The following MACF1 variants were observed in gnomAD, a reference collection of about 807,000 sequenced individuals.
The protein encoded by MACF1 is microtubule actin crosslinking factor 1.
A neutral mutation model predicts 854.8 loss-of-function variants in MACF1; 193 were observed. The observed-to-expected ratio is 0.23, with a 90% CI of 0.20 to 0.25. The LOEUF is 0.25. Ranked by LOEUF, MACF1 falls within the 10% of genes least tolerant of loss-of-function variation. The pLI is 1.00. For missense variants in MACF1, 7,722 were observed against 8,929.1 expected (o/e 0.86, Z 5.45); for synonymous variants, 3,185 against 3,226.7 (o/e 0.99, Z 0.44).
intron 2 of MACF1, among the ~76,000 whole-genome samples, chr1:39,234,886 G>A (rs1167404755): frequency 2.2e-5 from 3 of 138,734 alleles, no homozygotes; most frequent in African/African-American, 5.2e-5. Flanking sequence ...GGGCAGAGGC[G>A]CTCCCCACAT....
In MACF1 at chr1:39,379,207, G is replaced by T; in HGVS notation, c.13281G>T (p.Leu4427=). ...SVNGYHTCKD[L]TEIQCDMSDV... is the part of the protein sequence containing the mutation. ...TTTCTGTTTCTATGATACTAGATCTGACGGAGATCCAGTGTGACATGTCAG... is the reference window on the plus strand; with the variant it reads ...TTTCTGTTTCTATGATACTAGATCTTACGGAGATCCAGTGTGACATGTCAG... The change falls in exon 54 of 101, where the codon CTG becomes CTT. Residue 4427 remains leucine, a synonymous_variant. Transcript: ENST00000564288. The T allele has an allele frequency of 6.3e-7, 1 of 1,595,712 alleles. No individual in the cohort carries two copies. The highest frequency in any genetic ancestry group is 1.1e-5 in the South Asian group (1 of 88,300).
intron 18 of MACF1, 82 bp from the exon 19 acceptor site, chr1:39,294,964 A>C (rs1645869996): frequency 9.9e-7 from 1 of 1,012,294 alleles, no homozygotes. Flanking sequence ...TTCCTTTAAA[A>C]TAGGGAACAC....
At chr1:39,467,081 T>C (rs1349557831) in intron 95 of MACF1, among the ~76,000 whole-genome samples, 1 of 152,152 alleles carries the variant, frequency 6.6e-6, no homozygotes, top group African/African-American at 2.4e-5. Flanking sequence ...ACTTTGAAAA[T>C]CCTGGCCGGG....
At chr1:39,087,911 T>C (rs1477487628) in intron 2 of MACF1, among the ~76,000 whole-genome samples, 1 of 152,020 alleles carries the variant, frequency 6.6e-6, no homozygotes, top group Non-Finnish European at 1.5e-5. Flanking sequence ...TAGCAGGGAT[T>C]ACAGGCGTGT....
intron 78 of MACF1, among the ~76,000 whole-genome samples, chr1:39,443,155 C>A (rs1238006268): frequency 3.3e-5 from 5 of 152,176 alleles, no homozygotes; most frequent in Admixed American, 6.5e-5. Context: ...ATAACAGATT[C>A]CCTTTTTTTC....
At chr1:39,361,083 A>T (rs1648149355) in intron 48 of MACF1, 82 bp downstream of exon 48, 1 of 1,156,810 alleles carries the variant, frequency 8.6e-7, no homozygotes, top group Non-Finnish European at 1.3e-6. Flanking sequence ...AAGTAACAAG[A>T]GGGAACCTAA....
chr1:39,331,482 C>T lies in MACF1; in HGVS notation c.4894C>T (p.Leu1632Phe). Reference protein sequence around the residue: ...ISRLTESRGPLSVVEAIEKRI... With the variant: ...ISRLTESRGPFSVVEAIEKRI... ...CAGGCTTACTGAGAGCAGAGGCCCT[C>T]TTTCTGTGGTGGAAGCAATTGAAAA... Residue 1632 changes from leucine (L) to phenylalanine (F), a missense_variant, in exon 37 of 101, where the codon CTT (leucine) becomes TTT (phenylalanine). Physicochemically the swap from Leu to Phe is conservative, Grantham distance 22. This residue lies in a region of MACF1 where 1,531 missense variants were observed against 1,601.6 expected (regional missense o/e 0.96). Coordinates refer to ENST00000564288, the MANE Select transcript of MACF1 (RefSeq NM_001394062.1). The T allele has an allele frequency of 6.2e-7, 1 of 1,614,166 alleles. No individual in the cohort carries two copies. Among genetic ancestry groups the T allele is most frequent in the Non-Finnish European group, 8.5e-7 (1 of 1,180,030 alleles).
chr1:39,175,612 T>C (rs1644012189), intron 2 of MACF1, among the ~76,000 whole-genome samples: 1 of 152,198 alleles, frequency 6.6e-6, no homozygotes. Flanking sequence ...GATTGTATTT[T>C]ATCCTTCTTT....
chr1:39,244,962 C>G (rs958485057), intron 2 of MACF1, among the ~76,000 whole-genome samples: 1 of 152,156 alleles, frequency 6.6e-6, no homozygotes, highest in East Asian at 1.9e-4. Flanking sequence ...ATCTGCCCAC[C>G]TCGACCTCCC....
In MACF1 at chr1:39,388,329, C is replaced by T. The variant is rs759143516; in HGVS notation, c.15487C>T (p.Arg5163Trp). ...DSLQSQIEDV[R>W]LFLNKIHVLK... ...CCTCCAGTCCCAAATCGAGGATGTC[C>T]GGCTATTCCTTAACAAAATTCACGT... Residue 5163 changes from arginine to tryptophan, a missense_variant, in exon 58 of 101, where the codon CGG (arginine) becomes TGG (tryptophan). This residue lies in a region of MACF1 where 2,807 missense variants were observed against 3,235.8 expected (regional missense o/e 0.87). Coordinates refer to ENST00000564288, the MANE Select transcript of MACF1 (RefSeq NM_001394062.1). The T allele has an allele frequency of 9.9e-6, 16 of 1,614,072 alleles. No individual in the cohort carries two copies. The highest frequency in any genetic ancestry group is 4.4e-5 in the South Asian group (4 of 91,070).
upstream of MACF1, among the ~76,000 whole-genome samples, chr1:39,202,152 G>C (rs543751624): frequency 6.7e-6 from 1 of 148,904 alleles, no homozygotes; most frequent in Non-Finnish European, 1.5e-5. Context: ...AATTTTAGTA[G>C]AGATGGGGTT....
chr1:39,434,364 G>A (rs1417096854), intron 68 of MACF1, 50 bp from the exon 69 acceptor site: 1 of 1,135,592 alleles, frequency 8.8e-7, no homozygotes, highest in East Asian at 2.4e-5. Flanking sequence ...TTTCTTAAGA[G>A]TTTATAATAG....
rs1557579532 is a variant in MACF1, at chr1:39,309,618, T to A, written c.2838T>A (p.His946Gln). 1.2e-6 allele frequency: 2 copies of A among 1,614,212 alleles called. No individual in the cohort carries two copies. The highest frequency in any genetic ancestry group is 1.7e-6 in the Non-Finnish European group (2 of 1,180,010). The change falls in exon 24 of 101, where the codon CAT (histidine) becomes CAA (glutamine). Residue 946 changes from histidine (H) to glutamine (Q), a missense_variant. Physicochemically the swap from His to Gln is conservative, Grantham distance 24. This residue lies in a region of MACF1 where 1,137 missense variants were observed against 1,263.0 expected (regional missense o/e 0.90). Transcript: ENST00000564288. ...QKVMALWHQL[H>Q]VNTKSLISWN... ...TTATGGCCCTTTGGCATCAGCTGCATGTTAACACCAAAAGCCTTATCTCTT... is the reference window on the plus strand; with the variant it reads ...TTATGGCCCTTTGGCATCAGCTGCAAGTTAACACCAAAAGCCTTATCTCTT...
chr1:39,288,070 G>A (rs558256895), intron 15 of MACF1, among the ~76,000 whole-genome samples: 32 of 151,918 alleles, frequency 2.1e-4, no homozygotes, highest in African/African-American at 7.0e-4. Context: ...ATATTTATAC[G>A]ATACATGAGA....
Position 39,269,500 on chromosome 1 carries a change from C to G in MACF1, c.528+11472C>G, listed in dbSNP as rs544029800. On this transcript the variant is annotated intron_variant, in intron 6 of 100. Coordinates refer to ENST00000564288, the MANE Select transcript of MACF1 (RefSeq NM_001394062.1). Reference sequence around the variant, plus strand: ...CCTTCCCATGTGGGTCAAGTGCCCCCCCAGGATTCCAGACTGCCTACTTCT... The same window carrying G: ...CCTTCCCATGTGGGTCAAGTGCCCCGCCAGGATTCCAGACTGCCTACTTCT... The G allele has an allele frequency of 4.0e-5, 51 of 1,289,640 alleles. No homozygotes were observed. In the East Asian group the frequency reaches 2.5e-3, roughly 63 times the overall value. 79.9% of individuals were successfully genotyped at this position (1,289,640 alleles called of 1,614,324 possible). A position where few individuals can be genotyped will look rare whatever the true frequency, so the allele number is the denominator to read the frequency against.
chr1:39,434,540 C>T lies in MACF1; in HGVS notation c.17692C>T (p.Pro5898Ser), dbSNP rs138392909. The T allele has an allele frequency of 7.7e-5, 124 of 1,613,924 alleles. No individual in the cohort carries two copies. The highest frequency in any genetic ancestry group is 1.0e-4 in the Non-Finnish European group (118 of 1,180,028). Reference sequence around the variant, plus strand: ...TTGGGAAACTTATGAAGAGCTCAGCCCCTGGATTGAGGAAACTCGGGCACT... The same window carrying T: ...TTGGGAAACTTATGAAGAGCTCAGCTCCTGGATTGAGGAAACTCGGGCACT... ...QFWETYEELS[P>S]WIEETRALIA... The change falls in exon 69 of 101, where the codon CCC (proline) becomes TCC (serine). Residue 5898 changes from proline to serine, a missense_variant. Physicochemically the swap from Pro to Ser is moderately conservative, Grantham distance 74. Coordinates refer to ENST00000564288, the MANE Select transcript of MACF1 (RefSeq NM_001394062.1).
chr1:39,186,204 CTCTCTCTCTCTGTGTGTGTG>C (rs1557505155), intron 2 of MACF1, among the ~76,000 whole-genome samples: 1 of 64,652 alleles, frequency 1.5e-5, no homozygotes, highest in African/African-American at 4.8e-5. Context: ...CTCTCTCTCT[CTCTCTCTCTCTGTGTGTGTG>C]TGTGTGTGTG....
chr1:39,296,600 C>T (rs1425237811), intron 20 of MACF1, among the ~76,000 whole-genome samples: 8 of 151,586 alleles, frequency 5.3e-5, no homozygotes, highest in African/African-American at 1.9e-4. Flanking sequence ...TGTGGTAGCA[C>T]ACACCTGTAG....
chr1:39,342,246 TG>T (rs1646950661), intron 40 of MACF1, among the ~76,000 whole-genome samples: 2 of 152,184 alleles, frequency 1.3e-5, no homozygotes, highest in African/African-American at 4.8e-5. Context: ...TTCTTATGGC[TG>T]GATAGTATTC....
Sources: allele counts gnomAD v4.1 joint callset (sites outside exome capture counted in the v4.1 genomes callset), GRCh38; gene constraint gnomAD v4.1.1; regional missense constraint gnomAD v4.1.1; transcripts MANE v1.5; gene names NCBI Gene and HGNC (gene_info 2026-07-23, HGNC 2026-07-21).